Variants in BBC3 observed in about 807,000 individuals in gnomAD.
The protein encoded by BBC3 is bcl-2-binding component 3.
BBC3 carries 5 observed loss-of-function variants against 18.2 expected under a neutral mutation model. The ratio of observed to expected loss-of-function variants is 0.27; its 90% CI spans 0.14 to 0.58. The LOEUF (loss-of-function observed/expected upper bound fraction) is 0.58, where lower values mean the gene tolerates loss of function less well. Among genes scored for constraint, BBC3 ranks in the 20% least tolerant of loss-of-function variants. The pLI is 0.91. For synonymous variants in BBC3, 119 were observed against 128.0 expected, an observed-to-expected ratio of 0.93 and a Z score of 0.47; for missense variants, 224 against 268.9, an observed-to-expected ratio of 0.83 and a Z score of 1.17.
Position 47,228,392 on chromosome 19 carries a change from C to A in BBC3, c.40G>T (p.Val14Leu). ...ARQEGSSPEP[V>L]EGLARDGPRP... ...GGGCCGTCGCGGGCCAGGCCCTCTA[C>A]GGGCTCCGGGGAGCTGCCCTCCTGG... The change falls in exon 2 of 4, where the codon GTA becomes TTA. Residue 14 changes from valine (V) to leucine (L), a missense_variant. By Grantham distance (32) the Val-to-Leu change is conservative. Transcript: ENST00000439096. This position sits in a 1 kb window ranked among gnomAD's most constrained non-coding sequence, Gnocchi z 5.5. The A allele has an allele frequency of 8.1e-7, 1 of 1,231,766 alleles. No homozygotes were observed. Among genetic ancestry groups the A allele is most frequent in the Non-Finnish European group, 1.0e-6 (1 of 988,008 alleles). The allele number at this position is 1,231,766 out of a possible 1,614,324, so 76.3% of individuals were successfully genotyped here.
chr19:47,228,024 T>G lies in BBC3; in HGVS notation c.274+134A>C. ...TGCTTCTTGCAACACAAAGACCACA[T>G]TGGCCACACCCTCCCAGTGGCCCGG... On this transcript the variant is annotated intron_variant, in intron 2 of 3. Coordinates refer to ENST00000439096, the MANE Select transcript of BBC3 (RefSeq NM_014417.5). The surrounding 1 kb of genome is among the most constrained non-coding windows in gnomAD (Gnocchi z 5.5). 1 of 676,836 alleles carries G rather than the reference T, an allele frequency of 1.5e-6. No homozygotes were observed. The highest frequency in any genetic ancestry group is 2.0e-6 in the Non-Finnish European group (1 of 490,904). The allele number at this position is 676,836 out of a possible 1,614,324, so 41.9% of individuals were successfully genotyped here.
At position 47,230,734 on chromosome 19, in the gene BBC3, G is replaced by T; in HGVS notation, c.-16+195C>A. On this transcript the variant is annotated intron_variant, in intron 1 of 3. Coordinates refer to ENST00000439096, the MANE Select transcript of BBC3 (RefSeq NM_014417.5). The surrounding 1 kb of genome is among the most constrained non-coding windows in gnomAD (Gnocchi z 6.7). Reference sequence around the variant, plus strand: ...GACCGCCGAGGCACCTGTGCGCCCAGACCGGCGCCCCAACGCCGAGCCGCC... The same window carrying T: ...GACCGCCGAGGCACCTGTGCGCCCATACCGGCGCCCCAACGCCGAGCCGCC... 1 of 985,210 alleles carries T rather than the reference G, an allele frequency of 1.0e-6. No homozygotes were observed. The highest frequency in any genetic ancestry group is 1.7e-5 in the African/African-American group (1 of 57,322). 61.0% of individuals were successfully genotyped at this position (985,210 alleles called of 1,614,324 possible). A position where few individuals can be genotyped will look rare whatever the true frequency, so the allele number is the denominator to read the frequency against.
rs764225454 is a variant in BBC3 at position 47,221,767 on chromosome 19, C to G, written c.*35G>C. 1.2e-6 allele frequency: 2 copies of G among 1,606,716 alleles called. No individual in the cohort carries two copies. The highest frequency in any genetic ancestry group is 1.3e-5 in the African/African-American group (1 of 74,420). ...CAGGAGGTGGGAGGGGCCTGCCCCC[C>G]GAGTCCCTGACGTCCACCGGGCGGG... On this transcript the variant is annotated 3_prime_UTR_variant, in exon 4 of 4. Coordinates refer to ENST00000439096, the MANE Select transcript of BBC3 (RefSeq NM_014417.5).
In BBC3 at chr19:47,228,426, G is replaced by A. The variant is rs1414315761; in HGVS notation, c.6C>T (p.Ala2=). Residue 2 remains alanine (A), a synonymous_variant, in exon 2 of 4, where the codon GCC becomes GCT. Coordinates refer to ENST00000439096, the MANE Select transcript of BBC3 (RefSeq NM_014417.5). This position sits in a 1 kb window ranked among gnomAD's most constrained non-coding sequence, Gnocchi z 5.5. M[A]RARQEGSSPE... ...GGGAGCTGCCCTCCTGGCGTGCGCG[G>A]GCCATGGCGCTCCCTGGGGCCTGCG... 4.9e-6 allele frequency: 6 copies of A among 1,231,568 alleles called. No individual in the cohort carries two copies. The highest frequency in any genetic ancestry group is 6.1e-6 in the Non-Finnish European group (6 of 987,720). 76.3% of individuals were successfully genotyped at this position (1,231,568 alleles called of 1,614,324 possible).
rs1264852970 is a variant in BBC3, at chr19:47,222,156, GTGGCACATTAGC to G, written c.466-250_466-239del. 4.1e-5 allele frequency: 19 copies of G among 466,640 alleles called. 1 individual carries two copies. The highest frequency in any genetic ancestry group is 5.3e-4 in the Middle Eastern group (1 of 1,896). The allele number at this position is 466,640 out of a possible 1,614,324, so 28.9% of individuals were successfully genotyped here. On this transcript the variant is annotated intron_variant, in intron 3 of 3. Transcript: ENST00000439096. ...AGAGAGCTGGGCACCAAGCGAGTGC[GTGGCACATTAGC>G]TGTGACTGCCCCGTCTCTGTTGTAC... is the stretch of plus-strand genomic sequence containing the variant.
upstream of BBC3, chr19:47,232,630 C>A (rs1325190714): frequency 2.0e-6 from 3 of 1,518,798 alleles, no homozygotes; most frequent in Non-Finnish European, 2.7e-6. Context: ...CATTCCGTTT[C>A]TTTTTCAGTT....
At chr19:47,226,866 C>G (rs1413600084) in intron 2 of BBC3, 112 bp from the exon 3 acceptor site, 9 of 967,658 alleles carry the variant, frequency 9.3e-6, no homozygotes, top group South Asian at 4.2e-5. Context: ...TTCTAGTGAT[C>G]CCATCGCTAG....
chr19:47,231,645 C>T (rs1208334925), upstream of BBC3, among the ~76,000 whole-genome samples: 1 of 152,166 alleles, frequency 6.6e-6, no homozygotes, highest in Non-Finnish European at 1.5e-5. The surrounding 1 kb of genome is among the most constrained non-coding windows in gnomAD (Gnocchi z 4.0). Flanking sequence ...TGGACAGGGG[C>T]ATGAGCACAC....
At chr19:47,226,822 T>A in intron 2 of BBC3, 68 bp from the exon 3 acceptor site, 2 of 1,265,620 alleles carry the variant, frequency 1.6e-6, no homozygotes, top group Middle Eastern at 2.0e-4. Flanking sequence ...CTCGGCCTGC[T>A]CCCCTCTTTC....
rs1272847235 is a variant in BBC3 at position 47,230,581 on chromosome 19, G to GC, written c.-16+347dup. ...CTGGGTGTGGCCGCCCCTCCGTGCCGCCCCCCCGCCCCTCCCGGACTTTGG... is the reference window on the plus strand; with the variant it reads ...CTGGGTGTGGCCGCCCCTCCGTGCCGCCCCCCCCGCCCCTCCCGGACTTTGG... On this transcript the variant is annotated intron_variant, in intron 1 of 3. Transcript: ENST00000439096. This position sits in a 1 kb window ranked among gnomAD's most constrained non-coding sequence, Gnocchi z 6.7. 3.3e-5 allele frequency among the ~76,000 whole-genome samples: 5 copies of GC among 151,020 alleles called. No homozygotes were observed. Among genetic ancestry groups the GC allele is most frequent in the South Asian group, 2.1e-4 (1 of 4,810 alleles).
chr19:47,227,894 C>T (rs890807587), intron 2 of BBC3, among the ~76,000 whole-genome samples: 3 of 152,168 alleles, frequency 2.0e-5, no homozygotes, highest in African/African-American at 7.2e-5. Context: ...GCAGCTGTTG[C>T]CCCAGGCCCG....
intron 2 of BBC3, among the ~76,000 whole-genome samples, chr19:47,227,809 C>T (rs2058854847): frequency 6.6e-6 from 1 of 152,180 alleles, no homozygotes; most frequent in Non-Finnish European, 1.5e-5. Flanking sequence ...AGTCCTCCCG[C>T]TCGGCCCACT....
At chr19:47,223,412 C>T (rs1370978305) in intron 3 of BBC3, among the ~76,000 whole-genome samples, 1 of 151,662 alleles carries the variant, frequency 6.6e-6, no homozygotes, top group Non-Finnish European at 1.5e-5. Context: ...ACTAAAACAA[C>T]AAAAATTAGC....
chr19:47,232,473 C>T (rs2058923712), upstream of BBC3: 1 of 1,502,974 alleles, frequency 6.7e-7, no homozygotes, highest in Admixed American at 2.0e-5. Flanking sequence ...CTAACTGGCC[C>T]ACTGCACACA....
At chr19:47,224,124 G>A (rs1166822021) in intron 3 of BBC3, among the ~76,000 whole-genome samples, 4 of 152,038 alleles carry the variant, frequency 2.6e-5, no homozygotes, top group African/African-American at 7.2e-5. Flanking sequence ...GTGAAACCCC[G>A]TCTCTACTAA....
At position 47,228,047 on chromosome 19, in the gene BBC3, C is replaced by T. The variant is rs908533500; in HGVS notation, c.274+111G>A. On this transcript the variant is annotated intron_variant, in intron 2 of 3. Transcript: ENST00000439096. The surrounding 1 kb of genome is among the most constrained non-coding windows in gnomAD (Gnocchi z 5.5). Reference sequence around the variant, plus strand: ...CATTGGCCACACCCTCCCAGTGGCCCGGCTGGGCCCGCCACCTCCCCCCGT... The same window carrying T: ...CATTGGCCACACCCTCCCAGTGGCCTGGCTGGGCCCGCCACCTCCCCCCGT... 2.2e-6 allele frequency: 2 copies of T among 909,028 alleles called. No individual in the cohort carries two copies. The highest frequency in any genetic ancestry group is 1.7e-5 in the African/African-American group (1 of 57,540). 56.3% of individuals were successfully genotyped at this position (909,028 alleles called of 1,614,324 possible).
chr19:47,226,021 C>T (rs751293416), intron 3 of BBC3, among the ~76,000 whole-genome samples: 1 of 151,782 alleles, frequency 6.6e-6, no homozygotes, highest in Non-Finnish European at 1.5e-5. Flanking sequence ...TGTGATTTCC[C>T]ATTCTCTGCT....
chr19:47,227,046 A>G (rs528392348), intron 2 of BBC3: 7 of 312,802 alleles, frequency 2.2e-5, no homozygotes, highest in East Asian at 5.1e-5. Context: ...AACGACCTCT[A>G]TTTTCCAAAG....
chr19:47,231,575 A>G (rs2058916155), upstream of BBC3, among the ~76,000 whole-genome samples: 1 of 152,204 alleles, frequency 6.6e-6, no homozygotes, highest in South Asian at 2.1e-4. The surrounding 1 kb of genome is among the most constrained non-coding windows in gnomAD (Gnocchi z 4.0). Flanking sequence ...AGTCACGTGC[A>G]GGCAGAGCCC....
Sources: allele counts gnomAD v4.1 joint callset (sites outside exome capture counted in the v4.1 genomes callset), GRCh38; gene constraint gnomAD v4.1.1; non-coding constraint Gnocchi (gnomAD v3.1); transcripts MANE v1.5; gene names NCBI Gene and HGNC (gene_info 2026-07-23, HGNC 2026-07-21).